Variants in RGS6 observed in about 807,000 individuals in gnomAD.
RGS6 encodes regulator of G-protein signaling 6.
A neutral mutation model predicts 78.5 loss-of-function variants in RGS6; 30 were observed. That is an observed-to-expected ratio of 0.38 (90% CI 0.29 to 0.52). The LOEUF (loss-of-function observed/expected upper bound fraction) is 0.52, where lower values mean the gene tolerates loss of function less well. Ranked by LOEUF, RGS6 falls within the 20% of genes least tolerant of loss-of-function variation. The probability of loss-of-function intolerance (pLI) is 0.85; values close to 1 mark genes in which losing one functional copy is unlikely to be tolerated. For synonymous variants in RGS6, 206 were observed against 206.0 expected, an observed-to-expected ratio of 1.00 and a Z score of 0.00; for missense variants, 495 against 609.7, an observed-to-expected ratio of 0.81 and a Z score of 1.98.
intron 2 of RGS6, among the ~76,000 whole-genome samples, chr14:72,221,549 T>C (rs2046866593): frequency 6.6e-6 from 1 of 152,218 alleles, no homozygotes; most frequent in African/African-American, 2.4e-5. Flanking sequence ...GAAGAATTGC[T>C]AGGACTTCCA....
intron 2 of RGS6, among the ~76,000 whole-genome samples, chr14:72,246,538 A>G (rs2054259623): frequency 1.3e-5 from 2 of 152,212 alleles, no homozygotes; most frequent in Admixed American, 6.5e-5. Flanking sequence ...ACTGACTTGA[A>G]TGTACATACA....
chr14:71,887,620 A>G, the RGS6 span, among the ~76,000 whole-genome samples: 1 of 152,168 alleles, frequency 6.6e-6, no homozygotes. Flanking sequence ...CAGTACCTTC[A>G]GGCTTACTAG....
intron 3 of RGS6, among the ~76,000 whole-genome samples, chr14:72,398,076 A>G (rs1270027728): frequency 1.3e-5 from 2 of 152,188 alleles, no homozygotes; most frequent in African/African-American, 4.8e-5. Context: ...AAAATGAGTT[A>G]GGGAGGATTC....
chr14:72,189,895 A>G (rs1433825487), intron 2 of RGS6, among the ~76,000 whole-genome samples: 2 of 152,214 alleles, frequency 1.3e-5, no homozygotes, highest in African/African-American at 4.8e-5. Context: ...TCTAACGGCT[A>G]CATGGGATAT....
the RGS6 span, among the ~76,000 whole-genome samples, chr14:71,902,234 G>A: frequency 2.0e-5 from 3 of 152,048 alleles, no homozygotes; most frequent in East Asian, 1.9e-4. Flanking sequence ...AAATATAAGC[G>A]ATTCAGCTAT....
chr14:72,329,359 T>G (rs959786737), intron 2 of RGS6, among the ~76,000 whole-genome samples: 8 of 152,266 alleles, frequency 5.3e-5, no homozygotes, highest in Non-Finnish European at 1.0e-4. Context: ...AACCACTCCC[T>G]GGTGCCAAGT....
At chr14:72,521,835 G>T (rs8006716) in intron 15 of RGS6, among the ~76,000 whole-genome samples, 8,819 of 152,208 alleles carry the variant, frequency 0.058, 882 homozygotes, top group African/African-American at 0.2. Context: ...GGGACCAGGT[G>T]AAAGGAAGCA....
chr14:72,622,711 T>G, the RGS6 span, among the ~76,000 whole-genome samples: 1 of 151,312 alleles, frequency 6.6e-6, no homozygotes, highest in African/African-American at 2.4e-5. Context: ...CAAACACAAT[T>G]TTAGTACCTC....
chr14:71,956,693 C>T (rs938629526), intron 1 of RGS6, among the ~76,000 whole-genome samples: 13 of 152,230 alleles, frequency 8.5e-5, no homozygotes, highest in Non-Finnish European at 1.6e-4. Context: ...CCCCAGCCCA[C>T]GGACTTAAAT....
intron 2 of RGS6, among the ~76,000 whole-genome samples, chr14:72,128,832 G>A (rs962216801): frequency 2.0e-5 from 3 of 152,152 alleles, no homozygotes; most frequent in Admixed American, 1.3e-4. Context: ...CTCAGGCTCC[G>A]TATTAGCCCT....
rs143484058 is a variant in RGS6 at position 72,051,672 on chromosome 14, A to G, written c.84+86797A>G. On this transcript the variant is annotated intron_variant, in intron 2 of 17. Transcript: ENST00000553525. Reference sequence around the variant, plus strand: ...AATCACTTTCTTGTAGAAGGAAGGAAAAGTTTTATTTCTGTGACACCATCT... The same window carrying G: ...AATCACTTTCTTGTAGAAGGAAGGAGAAGTTTTATTTCTGTGACACCATCT... 9.0e-4 allele frequency among the ~76,000 whole-genome samples: 137 copies of G among 152,284 alleles called. 1 individual carries two copies. In the East Asian group the frequency reaches 0.024, roughly 26 times the overall value.
intron 2 of RGS6, among the ~76,000 whole-genome samples, chr14:72,242,834 CTTTTCTTT>C (rs2053225238): frequency 1.1e-5 from 1 of 87,842 alleles, no homozygotes; most frequent in Non-Finnish European, 2.3e-5. Flanking sequence ...AACTTCATTT[CTTTTCTTT>C]TTTTTTTTTT....
intron 2 of RGS6, among the ~76,000 whole-genome samples, chr14:72,157,294 A>G (rs2096786315): frequency 6.6e-6 from 1 of 152,172 alleles, no homozygotes; most frequent in Non-Finnish European, 1.5e-5. Context: ...GATTCCGTGG[A>G]GAGTGTTAGA....
At chr14:72,250,037 C>T in intron 2 of RGS6, among the ~76,000 whole-genome samples, 1 of 132,014 alleles carries the variant, frequency 7.6e-6, no homozygotes, top group South Asian at 2.3e-4. Context: ...GGGAATTGAA[C>T]AGTGAGATCA....
At chr14:72,603,473 A>G in the RGS6 span, among the ~76,000 whole-genome samples, 1 of 152,198 alleles carries the variant, frequency 6.6e-6, no homozygotes, top group Non-Finnish European at 1.5e-5. Flanking sequence ...TCCCCACACC[A>G]CTGGATTTCC....
chr14:71,946,363 G>A (rs2091511035), intron 1 of RGS6, among the ~76,000 whole-genome samples: 1 of 152,138 alleles, frequency 6.6e-6, no homozygotes, highest in Admixed American at 6.5e-5. Context: ...TAATGGGGTT[G>A]CGGGGGCGGG....
chr14:72,311,882 CAA>C (rs2068707287), intron 2 of RGS6, among the ~76,000 whole-genome samples: 1 of 152,176 alleles, frequency 6.6e-6, no homozygotes, highest in South Asian at 2.1e-4. Flanking sequence ...TAGGCAATTG[CAA>C]AGAGTTCTGC....
intron 2 of RGS6, among the ~76,000 whole-genome samples, chr14:72,182,680 T>A (rs2097190089): frequency 6.6e-6 from 1 of 152,140 alleles, no homozygotes; most frequent in Admixed American, 6.5e-5. Context: ...TATGATGTTT[T>A]TAAAGAGGCT....
intron 2 of RGS6, among the ~76,000 whole-genome samples, chr14:72,264,338 G>A (rs1042686189): frequency 2.6e-5 from 4 of 152,212 alleles, no homozygotes; most frequent in African/African-American, 9.6e-5. Flanking sequence ...TTTAAAGTAT[G>A]TAAGTAAATC....
Sources: gnomAD v4.1 joint callset for allele counts (sites outside exome capture counted in the v4.1 genomes callset) on GRCh38, gnomAD v4.1.1 for gene constraint, MANE v1.5 for transcripts, NCBI Gene and HGNC (gene_info 2026-07-23, HGNC 2026-07-21) for gene names.